Variants in DEFA4 observed in about 807,000 individuals in gnomAD.
DEFA4 encodes the protein defensin alpha 4.
Under a neutral mutation model 4.4 loss-of-function variants are expected in DEFA4, and 8 were observed. That is an observed-to-expected ratio of 1.82 (90% CI 1.07 to 3.29). The LOEUF (loss-of-function observed/expected upper bound fraction) is 3.29. Among genes scored for constraint, DEFA4 ranks in the 30% most tolerant of loss-of-function variants. The probability of loss-of-function intolerance (pLI) is 0.00; values close to 1 mark genes in which losing one functional copy is unlikely to be tolerated. For missense variants in DEFA4, 216 were observed against 127.0 expected (o/e 1.70, Z -3.37); for synonymous variants, 77 against 46.5 (o/e 1.66, Z -2.67).
chr8:6,935,981 T>A lies in DEFA4; in HGVS notation c.*39A>T, dbSNP rs745930702. On this transcript the variant is annotated 3_prime_UTR_variant, in exon 3 of 3. Coordinates refer to ENST00000297435, the MANE Select transcript of DEFA4 (RefSeq NM_001925.3). The stretch of plus-strand genomic sequence containing the variant: ...CATGTGAAGCTAACACCACCGATGA[T>A]GGCGTTCCCAGCATGACATTCTCTT... The A allele has an allele frequency of 1.9e-6, 3 of 1,611,830 alleles. No homozygotes were observed. In the South Asian group the frequency reaches 3.3e-5, roughly 18 times the overall value.
At chr8:6,937,035 T>A in intron 1 of DEFA4, 124 bp from the exon 2 acceptor site, 1 of 821,194 alleles carries the variant, frequency 1.2e-6, no homozygotes, top group Non-Finnish European at 1.8e-6. Context: ...GAGGTGTGCA[T>A]TTTGTTAGAG....
At position 6,936,272 on chromosome 8, in the gene DEFA4, C is replaced by G. The variant is rs907912096; in HGVS notation, c.173-131G>C. ...CATTAGTGCCGGTAGCACAAACAAC[C>G]TTAGTCAATAGGAATAAATACACAG... is the stretch of plus-strand genomic sequence containing the variant. On this transcript the variant is annotated intron_variant, in intron 2 of 2. Transcript: ENST00000297435. 18 of 1,143,408 alleles carry G rather than the reference C, an allele frequency of 1.6e-5. No individual in the cohort carries two copies. In the African/African-American group the frequency reaches 2.2e-4, roughly 14 times the overall value. The allele number at this position is 1,143,408 out of a possible 1,614,324, so 70.8% of individuals were successfully genotyped here. A position where few individuals can be genotyped will look rare whatever the true frequency, so the allele number is the denominator to read the frequency against.
At chr8:6,936,199 AG>A in intron 2 of DEFA4, 58 bp from the exon 3 acceptor site, 2 of 1,602,306 alleles carry the variant, frequency 1.2e-6, no homozygotes, top group Non-Finnish European at 1.7e-6. Flanking sequence ...TGGGTGGTAA[AG>A]GGAATCTTGG....
chr8:6,937,871 T>A (rs1177635671), intron 1 of DEFA4, among the ~76,000 whole-genome samples: 7 of 152,064 alleles, frequency 4.6e-5, no homozygotes, highest in African/African-American at 1.7e-4. Flanking sequence ...AATATCTGAA[T>A]ACATAAGGAA....
At position 6,936,930 on chromosome 8, in the gene DEFA4, G is replaced by T; in HGVS notation, c.-12-19C>A. On this transcript the variant is annotated intron_variant, in intron 1 of 2. Coordinates refer to ENST00000297435, the MANE Select transcript of DEFA4 (RefSeq NM_001925.3). The stretch of plus-strand genomic sequence containing the variant: ...GGGTGACCTGGAGGAGGGAGAGCAG[G>T]AGCAGCTGTGTGGGGAGGGAGAAGC... The T allele has an allele frequency of 5.9e-6, 9 of 1,536,022 alleles. No homozygotes were observed. Among genetic ancestry groups the T allele is most frequent in the Non-Finnish European group, 7.9e-6 (9 of 1,136,044 alleles).
Position 6,936,784 on chromosome 8 carries a change from T to TC in DEFA4, c.115dup (p.Asp39GlyfsTer12). ...TGCAAAGGAAATAGATATGTCCTGG[T>TC]CTTCTGGCCCACGCTGCTCCTGGCC... On this transcript the variant is annotated frameshift_variant, in exon 2 of 3. Coordinates refer to ENST00000297435, the MANE Select transcript of DEFA4 (RefSeq NM_001925.3). LOFTEE classifies it high-confidence loss of function. 1 of 1,613,698 alleles carries TC rather than the reference T, an allele frequency of 6.2e-7. No individual in the cohort carries two copies. The highest frequency in any genetic ancestry group is 8.5e-7 in the Non-Finnish European group (1 of 1,179,850).
Position 6,935,873 on chromosome 8 carries a change from A to G in DEFA4, c.*147T>C, listed in dbSNP as rs1808823567. The G allele has an allele frequency of 3.8e-6, 4 of 1,052,534 alleles. No individual in the cohort carries two copies. Among genetic ancestry groups the G allele is most frequent in the Non-Finnish European group, 5.8e-6 (4 of 692,848 alleles). 65.2% of individuals were successfully genotyped at this position (1,052,534 alleles called of 1,614,324 possible). A position where few individuals can be genotyped will look rare whatever the true frequency, so the allele number is the denominator to read the frequency against. ...TCAAGAAAGATGTTAAGGACAAAGTATAGGAGAAACAACCATTTCCTGTAG... is the reference window on the plus strand; with the variant it reads ...TCAAGAAAGATGTTAAGGACAAAGTGTAGGAGAAACAACCATTTCCTGTAG... On this transcript the variant is annotated 3_prime_UTR_variant, in exon 3 of 3. Transcript: ENST00000297435.
At chr8:6,936,642 A>G in intron 2 of DEFA4, 86 bp downstream of exon 2, 1 of 1,362,818 alleles carries the variant, frequency 7.3e-7, no homozygotes, top group Non-Finnish European at 9.7e-7. Context: ...CACCTAAGTG[A>G]CATCCACCAT....
chr8:6,936,990 C>T, intron 1 of DEFA4, 79 bp from the exon 2 acceptor site: 1 of 1,278,422 alleles, frequency 7.8e-7, no homozygotes, highest in Non-Finnish European at 1.0e-6. Flanking sequence ...GGAGAAGGCA[C>T]AGAGATAAGA....
At chr8:6,936,691 C>G in intron 2 of DEFA4, 37 bp downstream of exon 2, 1 of 1,548,726 alleles carries the variant, frequency 6.5e-7, no homozygotes, top group Non-Finnish European at 8.8e-7. Flanking sequence ...ATCCGTCTCT[C>G]TAGACTCGGT....
chr8:6,937,244 A>G (rs112279855), intron 1 of DEFA4, among the ~76,000 whole-genome samples: 2,325 of 152,238 alleles, frequency 0.015, 50 homozygotes, highest in Non-Finnish European at 0.021. Flanking sequence ...AAAGAATGGA[A>G]ACAGTGCTTT....
intron 2 of DEFA4, 111 bp downstream of exon 2, chr8:6,936,617 G>C (rs1322715524): frequency 4.4e-6 from 5 of 1,132,598 alleles, no homozygotes; most frequent in Non-Finnish European, 6.1e-6. Context: ...GAGGCCCAGA[G>C]ATGGTAAGTA....
chr8:6,936,566 C>A (rs914198062), intron 2 of DEFA4, among the ~76,000 whole-genome samples, 162 bp downstream of exon 2: 1 of 152,164 alleles, frequency 6.6e-6, no homozygotes, highest in Non-Finnish European at 1.5e-5. Context: ...AGACTACTTA[C>A]ATTTGTTTGT....
At position 6,936,758 on chromosome 8, in the gene DEFA4, A is replaced by T; in HGVS notation, c.142T>A (p.Trp48Arg). 6.2e-7 allele frequency: 1 copy of T among 1,611,738 alleles called. No homozygotes were observed. The highest frequency in any genetic ancestry group is 8.5e-7 in the Non-Finnish European group (1 of 1,178,810). ...EDQDISISFA[W>R]DKSSALQVSG... The stretch of plus-strand genomic sequence containing the variant: ...ACCTGAAGAGCAGAGCTTTTATCCC[A>T]TGCAAAGGAAATAGATATGTCCTGG... The change falls in exon 2 of 3, where the codon TGG becomes AGG. Residue 48 changes from tryptophan to arginine, a missense_variant. Transcript: ENST00000297435.
intron 1 of DEFA4, among the ~76,000 whole-genome samples, chr8:6,937,788 C>T (rs942842789): frequency 6.6e-6 from 1 of 152,060 alleles, no homozygotes; most frequent in South Asian, 2.1e-4. Flanking sequence ...GCAAAGGAAA[C>T]AATCAACTGA....
intron 2 of DEFA4, 137 bp from the exon 3 acceptor site, chr8:6,936,278 C>T: frequency 9.3e-7 from 1 of 1,074,672 alleles, no homozygotes; most frequent in East Asian, 2.6e-5. Flanking sequence ...CAACCTTAGT[C>T]AATAGGAATA....
Position 6,936,834 on chromosome 8 carries a change from G to C in DEFA4, c.66C>G (p.Leu22=), listed in dbSNP as rs1208498568. The C allele has an allele frequency of 6.2e-7, 1 of 1,613,528 alleles. No individual in the cohort carries two copies. The highest frequency in any genetic ancestry group is 1.1e-5 in the South Asian group (1 of 90,772). ...LVALQVRAGP[L]QARGDEAPGQ... is the part of the protein sequence containing the mutation. Reference sequence around the variant, plus strand: ...CTGGAGCCTCATCACCTCTTGCCTGGAGTGGGCCTGCCCGGACCTGGAGGG... The same window carrying C: ...CTGGAGCCTCATCACCTCTTGCCTGCAGTGGGCCTGCCCGGACCTGGAGGG... Residue 22 remains leucine, a synonymous_variant, in exon 2 of 3, where the codon CTC becomes CTG. Transcript: ENST00000297435.
At position 6,936,738 on chromosome 8, in the gene DEFA4, A is replaced by G; in HGVS notation, c.162T>C (p.Leu54=). ...ISFAWDKSSA[L]QVSGSTRGMV... ...GCTGGCCTCTCTCACCTGAAACCTG[A>G]AGAGCAGAGCTTTTATCCCATGCAA... Residue 54 remains leucine, a synonymous_variant, in exon 2 of 3, where the codon CTT becomes CTC. Transcript: ENST00000297435. The G allele has an allele frequency of 1.9e-6, 3 of 1,600,158 alleles. No individual in the cohort carries two copies. Among genetic ancestry groups the G allele is most frequent in the Non-Finnish European group, 2.6e-6 (3 of 1,171,572 alleles).
Position 6,935,922 on chromosome 8 carries a change from AT to A in DEFA4, c.*97del. The stretch of plus-strand genomic sequence containing the variant: ...AGCTCTCAAAGCAAATTATGAGCTC[AT>A]TTTTCTCTATTCTGCAAGCTCAGCT... On this transcript the variant is annotated 3_prime_UTR_variant, in exon 3 of 3. Transcript: ENST00000297435. 2 of 1,570,140 alleles carry A rather than the reference AT, an allele frequency of 1.3e-6. No homozygotes were observed. The highest frequency in any genetic ancestry group is 1.7e-6 in the Non-Finnish European group (2 of 1,144,778).
Sources: gnomAD v4.1 joint callset for allele counts (sites outside exome capture counted in the v4.1 genomes callset) on GRCh38, gnomAD v4.1.1 for gene constraint, MANE v1.5 for transcripts, NCBI Gene and HGNC (gene_info 2026-07-23, HGNC 2026-07-21) for gene names.